Variants in HPN observed in about 807,000 individuals in gnomAD.
HPN encodes the protein serine protease hepsin.
In HPN, 13 loss-of-function variants were observed where a neutral mutation model predicts 55.9. That is an observed-to-expected ratio of 0.23 (90% CI 0.15 to 0.37). The LOEUF (loss-of-function observed/expected upper bound fraction) is 0.37. Ranked by LOEUF, HPN falls within the 10% of genes least tolerant of loss-of-function variation. The probability of loss-of-function intolerance (pLI) is 1.00; values close to 1 mark genes in which losing one functional copy is unlikely to be tolerated. For synonymous variants in HPN, 225 were observed against 240.3 expected (o/e 0.94, Z 0.59); for missense variants, 451 against 575.8 (o/e 0.78, Z 2.22).
chr19:35,046,059 G>A (rs1340035017), intron 2 of HPN, among the ~76,000 whole-genome samples: 5 of 152,184 alleles, frequency 3.3e-5, no homozygotes, highest in Admixed American at 6.5e-5. Flanking sequence ...CCCAGTGGCT[G>A]TCGGGAGCCA....
intron 9 of HPN, 104 bp from the exon 10 acceptor site, chr19:35,065,146 C>A: frequency 2.0e-5 from 14 of 694,774 alleles, no homozygotes; most frequent in Admixed American, 2.9e-5. Flanking sequence ...TTTTAAAGAA[C>A]AGAGAGGGCA....
chr19:35,063,422 AC>A (rs1247757206), intron 9 of HPN, among the ~76,000 whole-genome samples: 1 of 152,148 alleles, frequency 6.6e-6, no homozygotes, highest in Non-Finnish European at 1.5e-5. Context: ...TTAAAACCAA[AC>A]CCTGTCCTGA....
intron 4 of HPN, among the ~76,000 whole-genome samples, chr19:35,057,662 GAAC>G (rs1359469205): frequency 6.6e-6 from 1 of 151,922 alleles, no homozygotes; most frequent in African/African-American, 2.4e-5. Flanking sequence ...GAGATATATT[GAAC>G]AACATGGTGA....
chr19:35,042,572 C>T (rs1399654358), intron 2 of HPN, 50 bp downstream of exon 2: 3 of 1,506,182 alleles, frequency 2.0e-6, no homozygotes, highest in Non-Finnish European at 2.7e-6. Context: ...GGCGCCCCGC[C>T]CTCTGTGCTC....
chr19:35,059,325 C>CAAA, intron 4 of HPN: 1 of 400,398 alleles, frequency 2.5e-6, no homozygotes. Flanking sequence ...AACAAACAAA[C>CAAA]AAAAAAATTA....
rs533431198 is a variant in HPN, at chr19:35,060,272, C to T, written c.455-75C>T. On this transcript the variant is annotated intron_variant, in intron 7 of 12. Coordinates refer to ENST00000672452, the MANE Select transcript of HPN (RefSeq NM_001384133.1). ...CCATGTACTTTCAGACCCCCTAGGG[C>T]AGGGCCAAGCCTGGGCTCTGGGGAC... is the stretch of plus-strand genomic sequence containing the variant. 4.4e-6 allele frequency: 7 copies of T among 1,606,292 alleles called. No individual in the cohort carries two copies. In the African/African-American group the frequency reaches 8.0e-5, roughly 18 times the overall value.
chr19:35,042,313 T>C (rs1358158035), intron 1 of HPN, 140 bp from the exon 2 acceptor site: 6 of 1,400,922 alleles, frequency 4.3e-6, no homozygotes, highest in Non-Finnish European at 5.6e-6. Context: ...CCCAGCCCAA[T>C]CTGCGTCCGT....
Position 35,060,647 on chromosome 19 carries a change from G to T in HPN, c.641G>T (p.Arg214Leu), listed in dbSNP as rs374894952. The T allele has an allele frequency of 1.9e-6, 3 of 1,614,040 alleles. No homozygotes were observed. The highest frequency in any genetic ancestry group is 2.5e-6 in the Non-Finnish European group (3 of 1,180,040). Residue 214 changes from arginine (R) to leucine (L), a missense_variant, in exon 9 of 13, where the codon CGA (arginine) becomes CTA (leucine). By Grantham distance (102) the Arg-to-Leu change is moderately radical. This residue lies in a region of HPN where 378 missense variants were observed against 445.5 expected (regional missense o/e 0.85). Transcript: ENST00000672452. Reference sequence around the variant, plus strand: ...GGTAGGCGGAACCGGGTCCTGTCCCGATGGCGAGTGTTTGCCGGTGCCGTG... The same window carrying T: ...GGTAGGCGGAACCGGGTCCTGTCCCTATGGCGAGTGTTTGCCGGTGCCGTG... ...CFPERNRVLS[R>L]WRVFAGAVAQ...
At chr19:35,054,427 A>G (rs1313340188) in intron 4 of HPN, among the ~76,000 whole-genome samples, 2 of 151,898 alleles carry the variant, frequency 1.3e-5, no homozygotes, top group East Asian at 1.9e-4. Flanking sequence ...CAAAAAAAAA[A>G]AAAAAAACCG....
chr19:35,065,664 G>A lies in HPN; in HGVS notation c.1033G>A (p.Gly345Ser), dbSNP rs2151771906. 1 of 1,614,152 alleles carries A rather than the reference G, an allele frequency of 6.2e-7. No homozygotes were observed. Among genetic ancestry groups the A allele is most frequent in the South Asian group, 1.1e-5 (1 of 91,088 alleles). Reference sequence around the variant, plus strand: ...GTTCTGTGCTGGCTACCCCGAGGGTGGCATTGATGCCTGCCAGGTGAGGGA... The same window carrying A: ...GTTCTGTGCTGGCTACCCCGAGGGTAGCATTGATGCCTGCCAGGTGAGGGA... ...KMFCAGYPEGGIDACQGDSGG... is the reference protein window; with the variant it reads ...KMFCAGYPEGSIDACQGDSGG... Residue 345 changes from glycine (G) to serine (S), a missense_variant, in exon 11 of 13, where the codon GGC becomes AGC. By Grantham distance (56) the Gly-to-Ser change is moderately conservative. This residue lies in a region of HPN where 73 missense variants were observed against 130.3 expected (regional missense o/e 0.56). Transcript: ENST00000672452.
At chr19:35,062,163 C>T (rs370236687) in intron 9 of HPN, among the ~76,000 whole-genome samples, 2 of 151,966 alleles carry the variant, frequency 1.3e-5, no homozygotes, top group East Asian at 1.9e-4. Flanking sequence ...ATAGGCACAT[C>T]GGTAGAGATA....
Position 35,060,688 on chromosome 19 carries a change from C to T in HPN, c.682C>T (p.His228Tyr). 1 of 1,614,208 alleles carries T rather than the reference C, an allele frequency of 6.2e-7. No homozygotes were observed. Among genetic ancestry groups the T allele is most frequent in the Non-Finnish European group, 8.5e-7 (1 of 1,180,034 alleles). Residue 228 changes from histidine to tyrosine, a missense_variant, in exon 9 of 13, where the codon CAC (histidine) becomes TAC (tyrosine). Coordinates refer to ENST00000672452, the MANE Select transcript of HPN (RefSeq NM_001384133.1). ...CGGTGCCGTGGCCCAGGCCTCTCCC[C>T]ACGGTCTGCAGCTGGGGGTGCAGGC... is the stretch of plus-strand genomic sequence containing the variant. ...FAGAVAQASP[H>Y]GLQLGVQAVV...
In HPN at chr19:35,042,605, G is replaced by A. The variant is rs1383187048; in HGVS notation, c.16+83G>A. Reference sequence around the variant, plus strand: ...CTCTTTTCTCTACCCTCTACTCTTCGGAGCCCCCTCTCTCTGGGCACCCCT... The same window carrying A: ...CTCTTTTCTCTACCCTCTACTCTTCAGAGCCCCCTCTCTCTGGGCACCCCT... On this transcript the variant is annotated intron_variant, in intron 2 of 12. Coordinates refer to ENST00000672452, the MANE Select transcript of HPN (RefSeq NM_001384133.1). 2.0e-5 allele frequency: 24 copies of A among 1,197,496 alleles called. No individual in the cohort carries two copies. The Admixed American group carries it at 2.9e-4, about 15-fold the overall frequency. 74.2% of individuals were successfully genotyped at this position (1,197,496 alleles called of 1,614,324 possible). A position where few individuals can be genotyped will look rare whatever the true frequency, so the allele number is the denominator to read the frequency against.
intron 2 of HPN, 140 bp from the exon 3 acceptor site, chr19:35,049,150 C>T (rs972439989): frequency 5.8e-6 from 3 of 518,382 alleles, no homozygotes; most frequent in Non-Finnish European, 9.7e-6. Context: ...CAACTGCTGG[C>T]CCCGGGAAAC....
chr19:35,044,239 G>C (rs2064320557), intron 2 of HPN, among the ~76,000 whole-genome samples: 2 of 152,212 alleles, frequency 1.3e-5, no homozygotes, highest in South Asian at 4.1e-4. Context: ...TGTTGTTGGT[G>C]TCACTGTTAT....
At chr19:35,063,437 G>T (rs2064560161) in intron 9 of HPN, among the ~76,000 whole-genome samples, 1 of 152,214 alleles carries the variant, frequency 6.6e-6, no homozygotes, top group African/African-American at 2.4e-5. Flanking sequence ...GTCCTGACAT[G>T]GTGGCTCACG....
chr19:35,041,391 G>A (rs551555579), upstream of HPN, among the ~76,000 whole-genome samples: 242 of 152,218 alleles, frequency 1.6e-3, 1 homozygote, highest in African/African-American at 5.7e-3. Context: ...AGAAAGGGCG[G>A]GGGGAAGGGT....
chr19:35,065,758 C>G, intron 11 of HPN, 77 bp downstream of exon 11: 1 of 1,597,020 alleles, frequency 6.3e-7, no homozygotes, highest in Non-Finnish European at 8.5e-7. Flanking sequence ...GGTGGTCAGG[C>G]TCCCCATCTA....
At chr19:35,058,615 T>C (rs1358809192) in intron 4 of HPN, among the ~76,000 whole-genome samples, 1 of 147,184 alleles carries the variant, frequency 6.8e-6, no homozygotes, top group Non-Finnish European at 1.5e-5. Context: ...ATATTAATAT[T>C]ATATTATAAC....
Sources: gnomAD v4.1 joint callset for allele counts (sites outside exome capture counted in the v4.1 genomes callset) on GRCh38, gnomAD v4.1.1 for gene constraint, gnomAD v4.1.1 regional missense constraint, MANE v1.5 for transcripts, NCBI Gene and HGNC (gene_info 2026-07-23, HGNC 2026-07-21) for gene names.